The following DPP10 variants were observed in gnomAD, a reference collection of about 807,000 sequenced individuals.
DPP10 encodes inactive dipeptidyl peptidase 10.
In DPP10, 33 loss-of-function variants were observed where a neutral mutation model predicts 120.9. The observed-to-expected ratio is 0.27, with a 90% CI of 0.21 to 0.37. The LOEUF is 0.37. Ranked by LOEUF, DPP10 falls within the 10% of genes least tolerant of loss-of-function variation. DPP10 has a pLI of 1.00. For synonymous variants in DPP10, 337 were observed against 326.1 expected (o/e 1.03, Z -0.36); for missense variants, 816 against 942.8 (o/e 0.87, Z 1.76).
intron 1 of DPP10, among the ~76,000 whole-genome samples, chr2:115,107,062 T>C (rs1307970608): frequency 1.3e-5 from 2 of 148,880 alleles, no homozygotes; most frequent in Non-Finnish European, 3.0e-5. Flanking sequence ...GCGACAGAGC[T>C]AGGCTCTGTC....
At chr2:114,578,286 A>G (rs1690221813) in intron 1 of DPP10, among the ~76,000 whole-genome samples, 1 of 152,212 alleles carries the variant, frequency 6.6e-6, no homozygotes. Flanking sequence ...ATGAAATACC[A>G]TATGTGACAG....
chr2:114,853,231 T>A lies in DPP10; in HGVS notation c.60+410393T>A, dbSNP rs558816602. Among the ~76,000 whole-genome samples the A allele has an allele frequency of 2.0e-5, 3 of 152,282 alleles. No individual in the cohort carries two copies. In the East Asian group the frequency reaches 5.8e-4, roughly 29 times the overall value. On this transcript the variant is annotated intron_variant, in intron 1 of 25. Transcript: ENST00000410059. ...ATATTGGAAATGTTTTATAACTTGA[T>A]TGAGGTGACTGTTAAATGGATGAAA...
intron 1 of DPP10, among the ~76,000 whole-genome samples, chr2:114,910,692 A>G (rs950579759): frequency 1.3e-5 from 2 of 152,104 alleles, no homozygotes; most frequent in Non-Finnish European, 2.9e-5. Context: ...GAAAATTCCC[A>G]AAAGTTTTGT....
intron 1 of DPP10, among the ~76,000 whole-genome samples, chr2:114,448,253 G>A (rs966097515): frequency 6.6e-6 from 1 of 152,028 alleles, no homozygotes; most frequent in Non-Finnish European, 1.5e-5. Context: ...AAGTATTCTT[G>A]TATAATATAA....
chr2:115,431,933 A>C (rs959091483), intron 3 of DPP10, among the ~76,000 whole-genome samples: 4 of 152,170 alleles, frequency 2.6e-5, no homozygotes, highest in African/African-American at 9.6e-5. Flanking sequence ...TGTTAGAATT[A>C]CATCAGAATT....
chr2:114,899,724 G>A (rs868038624), intron 1 of DPP10, among the ~76,000 whole-genome samples: 4 of 152,138 alleles, frequency 2.6e-5, no homozygotes, highest in East Asian at 1.9e-4. Context: ...TTGGGAGGCC[G>A]AGGTGGGCAG....
At chr2:115,734,481 C>A (rs1197924593) in intron 8 of DPP10, among the ~76,000 whole-genome samples, 1 of 151,654 alleles carries the variant, frequency 6.6e-6, no homozygotes, top group Non-Finnish European at 1.5e-5. Flanking sequence ...CGTGGTAAAA[C>A]CCCGTCTCTA....
intron 1 of DPP10, among the ~76,000 whole-genome samples, chr2:114,960,405 T>A (rs1462027392): frequency 6.7e-6 from 1 of 149,864 alleles, no homozygotes; most frequent in Non-Finnish European, 1.5e-5. Flanking sequence ...GGATGGAATA[T>A]GACCAGTGAT....
intron 1 of DPP10, among the ~76,000 whole-genome samples, chr2:114,540,534 G>T (rs1686869569): frequency 6.6e-6 from 1 of 152,140 alleles, no homozygotes. Context: ...TCATTATATT[G>T]AAATAATTAA....
chr2:115,296,762 C>A (rs1463699597), intron 1 of DPP10, among the ~76,000 whole-genome samples: 1 of 152,028 alleles, frequency 6.6e-6, no homozygotes, highest in Non-Finnish European at 1.5e-5. Flanking sequence ...CAAATAGATT[C>A]TCATTTATCT....
intron 1 of DPP10, among the ~76,000 whole-genome samples, chr2:115,100,142 G>T (rs1309167580): frequency 1.3e-5 from 2 of 152,170 alleles, no homozygotes; most frequent in African/African-American, 4.8e-5. Flanking sequence ...TCATATGGGA[G>T]GTAGAGAACT....
intron 1 of DPP10, among the ~76,000 whole-genome samples, chr2:114,728,885 T>G (rs891607028): frequency 6.6e-6 from 1 of 152,230 alleles, no homozygotes; most frequent in Non-Finnish European, 1.5e-5. Flanking sequence ...AAAGGAGTTT[T>G]GCAAAATGGC....
intron 1 of DPP10, among the ~76,000 whole-genome samples, chr2:115,282,613 G>C (rs1160797083): frequency 6.6e-6 from 1 of 152,002 alleles, no homozygotes; most frequent in Non-Finnish European, 1.5e-5. Context: ...GCTCCTCAGA[G>C]GATCTTAACT....
At chr2:115,241,939 A>G (rs1216959181) in intron 1 of DPP10, among the ~76,000 whole-genome samples, 1 of 152,164 alleles carries the variant, frequency 6.6e-6, no homozygotes, top group Non-Finnish European at 1.5e-5. Flanking sequence ...TGCTATTGTT[A>G]TTACTAGAAC....
intron 1 of DPP10, among the ~76,000 whole-genome samples, chr2:114,850,580 A>T (rs1001806589): frequency 1.3e-5 from 2 of 152,000 alleles, no homozygotes; most frequent in African/African-American, 2.4e-5. Flanking sequence ...ATCTGCTGAG[A>T]GTCACAATTC....
At chr2:114,760,314 G>C (rs1205474503) in intron 1 of DPP10, among the ~76,000 whole-genome samples, 3 of 152,078 alleles carry the variant, frequency 2.0e-5, no homozygotes, top group African/African-American at 7.2e-5. Flanking sequence ...CCCTCCCTTT[G>C]GCGTGCATCC....
At chr2:114,498,040 TTTGA>T (rs1161110952) in intron 1 of DPP10, among the ~76,000 whole-genome samples, 1 of 152,206 alleles carries the variant, frequency 6.6e-6, no homozygotes, top group African/African-American at 2.4e-5. Flanking sequence ...TTAATATTAT[TTTGA>T]TTGACCAGTC....
rs996748517 is a variant in DPP10 at position 114,443,633 on chromosome 2, A to G, written c.60+795A>G. 2.6e-5 allele frequency among the ~76,000 whole-genome samples: 4 copies of G among 151,024 alleles called. No homozygotes were observed. The South Asian group carries it at 6.2e-4, about 24-fold the overall frequency. Reference sequence around the variant, plus strand: ...ATATTTTGCCATTTACTTGAATTGTATTATTATCTATGTGGATATTTTGCA... The same window carrying G: ...ATATTTTGCCATTTACTTGAATTGTGTTATTATCTATGTGGATATTTTGCA... On this transcript the variant is annotated intron_variant, in intron 1 of 25. Coordinates refer to ENST00000410059, the MANE Select transcript of DPP10 (RefSeq NM_020868.6).
chr2:114,892,049 C>T (rs951419458), intron 1 of DPP10, among the ~76,000 whole-genome samples: 21 of 152,158 alleles, frequency 1.4e-4, no homozygotes, highest in Non-Finnish European at 1.5e-5. Context: ...CTTACCCTTA[C>T]CCCCACCATG....
Sources: gnomAD v4.1 joint callset for allele counts (sites outside exome capture counted in the v4.1 genomes callset) on GRCh38, gnomAD v4.1.1 for gene constraint, MANE v1.5 for transcripts, NCBI Gene and HGNC (gene_info 2026-07-23, HGNC 2026-07-21) for gene names.